Variants in ABCB11 observed in about 807,000 individuals in gnomAD.
ABCB11 encodes ATP binding cassette subfamily B member 11, also known as bile salt export pump.
Under a neutral mutation model 148.0 loss-of-function variants are expected in ABCB11, and 95 were observed. The ratio of observed to expected loss-of-function variants is 0.64; its 90% CI spans 0.54 to 0.76. ABCB11 has a LOEUF of 0.76. ABCB11 is among the 30% of genes least tolerant of loss of function. ABCB11 has a pLI of 0.00. For missense variants in ABCB11, 1,523 were observed against 1,617.8 expected, an observed-to-expected ratio of 0.94 and a Z score of 1.01; for synonymous variants, 591 against 555.4, an observed-to-expected ratio of 1.06 and a Z score of -0.90.
chr2:168,971,785 G>T, intron 14 of ABCB11, 62 bp downstream of exon 14: 1 of 1,483,280 alleles, frequency 6.7e-7, no homozygotes, highest in Non-Finnish European at 9.4e-7. Flanking sequence ...GTGTATAATT[G>T]TGCAACTTTT....
At position 168,941,759 on chromosome 2, in the gene ABCB11, A is replaced by T. The variant is rs546111037; in HGVS notation, c.2610+2846T>A. Among the ~76,000 whole-genome samples the T allele has an allele frequency of 1.2e-4, 18 of 152,180 alleles. No individual in the cohort carries two copies. In the South Asian group the frequency reaches 3.7e-3, roughly 32 times the overall value. ...AGTCAATTGATGAGGCAAACTTCACAGTTGTCTTATAAGATATTGCCAGTC... is the reference window on the plus strand; with the variant it reads ...AGTCAATTGATGAGGCAAACTTCACTGTTGTCTTATAAGATATTGCCAGTC... On this transcript the variant is annotated intron_variant, in intron 21 of 27. Coordinates refer to ENST00000650372, the MANE Select transcript of ABCB11 (RefSeq NM_003742.4).
In ABCB11 at chr2:168,979,878, C is replaced by T. The variant is rs57509552; in HGVS notation, c.1185G>A (p.Glu395=). ...TGRAAATSIF[E]TIDRKPIIDC... The stretch of plus-strand genomic sequence containing the variant: ...GGCTTATACATACCCTGTCTATTGT[C>T]TCAAAAATGCTGGTGGCTGCTGCAC... The change falls in exon 11 of 28, where the codon GAG becomes GAA. Residue 395 remains glutamate, a synonymous_variant. Coordinates refer to ENST00000650372, the MANE Select transcript of ABCB11 (RefSeq NM_003742.4). 2.9e-3 allele frequency: 4,652 copies of T among 1,578,554 alleles called. 127 individuals carry two copies. In the African/African-American group the frequency reaches 0.055, roughly 19 times the overall value.
At chr2:168,972,703 T>C (rs1178687478) in intron 13 of ABCB11, among the ~76,000 whole-genome samples, 2 of 152,026 alleles carry the variant, frequency 1.3e-5, no homozygotes, top group African/African-American at 2.4e-5. Context: ...TGTAATACTA[T>C]ATGCATGATA....
Position 169,029,909 on chromosome 2 carries a change from T to A in ABCB11, c.-28+1316A>T. On this transcript the variant is annotated intron_variant, in intron 1 of 27. Coordinates refer to ENST00000650372, the MANE Select transcript of ABCB11 (RefSeq NM_003742.4). ...GCGCCCGCCACCGCGCCCGGCTAAT[T>A]TTTTGTATTTTTAGTAGAGACGGGG... Among the ~76,000 whole-genome samples the A allele has an allele frequency of 1.4e-5, 2 of 145,588 alleles. 1 individual carries two copies. Among genetic ancestry groups the A allele is most frequent in the East Asian group, 4.3e-4 (2 of 4,672 alleles).
intron 12 of ABCB11, among the ~76,000 whole-genome samples, chr2:168,975,542 TATATAAATAC>T: frequency 1.1e-5 from 1 of 91,894 alleles, no homozygotes; most frequent in African/African-American, 4.9e-5. Context: ...TATAGATAAA[TATATAAATAC>T]ATAAATATTT....
rs1434205510 is a variant in ABCB11, at chr2:168,970,029, TAA to T, written c.1809+14_1809+15del. On this transcript the variant is annotated intron_variant, in intron 15 of 27. Coordinates refer to ENST00000650372, the MANE Select transcript of ABCB11 (RefSeq NM_003742.4). ...TTCCACATGGACCTGTAAAATGGACTAAGACTTCCACAAACCTTACTCAGCAC... is the reference window on the plus strand; with the variant it reads ...TTCCACATGGACCTGTAAAATGGACTGACTTCCACAAACCTTACTCAGCAC... 7.0e-7 allele frequency: 1 copy of T among 1,424,056 alleles called. No individual in the cohort carries two copies. Among genetic ancestry groups the T allele is most frequent in the Non-Finnish European group, 9.4e-7 (1 of 1,061,114 alleles). The allele number at this position is 1,424,056 out of a possible 1,614,324, so 88.2% of individuals were successfully genotyped here. A position where few individuals can be genotyped will look rare whatever the true frequency, so the allele number is the denominator to read the frequency against.
At chr2:168,985,820 A>G (rs1573941415) in intron 10 of ABCB11, among the ~76,000 whole-genome samples, 1 of 152,192 alleles carries the variant, frequency 6.6e-6, no homozygotes, top group Middle Eastern at 3.4e-3. Context: ...GTGAAGGATA[A>G]AAGACCAGAG....
chr2:169,029,726 T>TGACCAAGCAAAACACAACTCCAGTA (rs1558936873), intron 1 of ABCB11, among the ~76,000 whole-genome samples: 2 of 48,220 alleles, frequency 4.1e-5, no homozygotes, highest in Admixed American at 3.2e-4. Context: ...TCTTTCCTCT[T>TGACCAAGCAAAACACAACTCCAGTA]TTTTTTTTTT....
intron 1 of ABCB11, among the ~76,000 whole-genome samples, chr2:169,028,569 G>A (rs1312744582): frequency 2.0e-5 from 3 of 152,142 alleles, no homozygotes; most frequent in African/African-American, 2.4e-5. Context: ...TCAGGGAGGC[G>A]GATGGGCAAC....
At chr2:169,010,679 G>A (rs1274078005) in intron 5 of ABCB11, among the ~76,000 whole-genome samples, 2 of 152,142 alleles carry the variant, frequency 1.3e-5, no homozygotes, top group Non-Finnish European at 2.9e-5. Context: ...GTAGAAAAAT[G>A]TCCTCTCTTT....
At position 168,921,887 on chromosome 2, in the gene ABCB11, C is replaced by G. The variant is rs1285983158; in HGVS notation, c.*1735G>C. 7.0e-6 allele frequency among the ~76,000 whole-genome samples: 1 copy of G among 142,098 alleles called. No homozygotes were observed. Among genetic ancestry groups the G allele is most frequent in the Non-Finnish European group, 1.5e-5 (1 of 66,918 alleles). The allele number at this position is 142,098 out of a possible 152,430, so 93.2% of individuals were successfully genotyped here. ...TCTTTTTTTTTTTTTTTCGCTCTGTCGCCCAGGCTGGAGTGCAGTGGCGCG... is the reference window on the plus strand; with the variant it reads ...TCTTTTTTTTTTTTTTTCGCTCTGTGGCCCAGGCTGGAGTGCAGTGGCGCG... On this transcript the variant is annotated 3_prime_UTR_variant, in exon 28 of 28. Coordinates refer to ENST00000650372, the MANE Select transcript of ABCB11 (RefSeq NM_003742.4).
intron 11 of ABCB11, among the ~76,000 whole-genome samples, chr2:168,977,824 C>T (rs1403029919): frequency 6.6e-6 from 1 of 152,106 alleles, no homozygotes; most frequent in East Asian, 1.9e-4. Context: ...AGAACTCCCT[C>T]ACTATCACAA....
At chr2:168,991,374 G>A (rs1381724741) in intron 8 of ABCB11, among the ~76,000 whole-genome samples, 3 of 152,074 alleles carry the variant, frequency 2.0e-5, no homozygotes, top group Non-Finnish European at 4.4e-5. Flanking sequence ...GTTGAAAGAC[G>A]ATTTCAGATG....
chr2:168,986,343 A>G, intron 9 of ABCB11, 59 bp from the exon 10 acceptor site: 4 of 1,436,896 alleles, frequency 2.8e-6, no homozygotes, highest in Non-Finnish European at 3.9e-6. Context: ...TATAATGTTT[A>G]AAACAGGCCG....
chr2:168,923,680 A>C lies in ABCB11; in HGVS notation c.3908T>G (p.Leu1303Arg), dbSNP rs1310645665. ...GTAGTAGGCTCCTTTTTGGGCCATC[A>C]GTTCTTCATGGGTCCCCTTTTCAAT... ...VVIEKGTHEE[L>R]MAQKGAYYKL... The change falls in exon 28 of 28, where the codon CTG (leucine) becomes CGG (arginine). Residue 1303 changes from leucine to arginine, a missense_variant. Transcript: ENST00000650372. 6.2e-7 allele frequency: 1 copy of C among 1,613,616 alleles called. No homozygotes were observed. Among genetic ancestry groups the C allele is most frequent in the African/African-American group, 1.3e-5 (1 of 74,840 alleles).
At chr2:168,940,560 T>G (rs1238733301) in intron 21 of ABCB11, among the ~76,000 whole-genome samples, 1 of 152,064 alleles carries the variant, frequency 6.6e-6, no homozygotes, top group East Asian at 1.9e-4. Context: ...ATCTCCACAA[T>G]GTAAAAGTGC....
intron 21 of ABCB11, among the ~76,000 whole-genome samples, chr2:168,942,364 A>C (rs1370832503): frequency 6.6e-6 from 1 of 151,870 alleles, no homozygotes; most frequent in Non-Finnish European, 1.5e-5. Context: ...TTTTAGAAGA[A>C]GTTAAAATGA....
intron 12 of ABCB11, among the ~76,000 whole-genome samples, chr2:168,976,220 G>A (rs1228570476): frequency 6.6e-6 from 1 of 152,122 alleles, no homozygotes; most frequent in Non-Finnish European, 1.5e-5. Flanking sequence ...TCTCTGCGAA[G>A]GTTGGGAAGA....
intron 25 of ABCB11, among the ~76,000 whole-genome samples, chr2:168,929,675 T>C (rs1185500358): frequency 6.6e-6 from 1 of 152,204 alleles, no homozygotes; most frequent in Non-Finnish European, 1.5e-5. Context: ...GTAGGATTGC[T>C]AACATTTTTC....
Sources: gnomAD v4.1 joint callset for allele counts (sites outside exome capture counted in the v4.1 genomes callset) on GRCh38, gnomAD v4.1.1 for gene constraint, MANE v1.5 for transcripts, NCBI Gene and HGNC (gene_info 2026-07-23, HGNC 2026-07-21) for gene names.